LRP1B: variants seen among roughly 807,000 people sequenced by gnomAD.
LRP1B encodes LDL receptor related protein 1B, also known as low-density lipoprotein receptor-related protein 1B.
LRP1B carries 217 observed loss-of-function variants against 556.6 expected under a neutral mutation model. The observed-to-expected ratio is 0.39, with a 90% CI of 0.35 to 0.44. The LOEUF (loss-of-function observed/expected upper bound fraction) is 0.44, where lower values mean the gene tolerates loss of function less well. LRP1B is among the 20% of genes least tolerant of loss of function. The pLI, the probability that LRP1B is intolerant of heterozygous loss-of-function variation, is 1.00. For synonymous variants in LRP1B, 2,047 were observed against 1,865.8 expected (o/e 1.10, Z -2.50); for missense variants, 5,053 against 5,620.8 (o/e 0.90, Z 3.23).
intron 32 of LRP1B, among the ~76,000 whole-genome samples, chr2:140,787,026 A>C (rs1469005854): frequency 6.6e-6 from 1 of 152,208 alleles, no homozygotes; most frequent in East Asian, 1.9e-4. Context: ...TTCATTAGAA[A>C]AAGGAAGAAG....
At chr2:141,152,617 C>T (rs1701951689) in intron 7 of LRP1B, among the ~76,000 whole-genome samples, 1 of 151,784 alleles carries the variant, frequency 6.6e-6, no homozygotes, top group Non-Finnish European at 1.5e-5. Flanking sequence ...AGGGATTTCG[C>T]AGATGAGCCA....
intron 2 of LRP1B, among the ~76,000 whole-genome samples, chr2:141,678,302 C>A (rs933757145): frequency 6.6e-6 from 1 of 151,734 alleles, no homozygotes; most frequent in African/African-American, 2.4e-5. Flanking sequence ...GTAGAAATAC[C>A]AACTAAAGAG....
intron 3 of LRP1B, among the ~76,000 whole-genome samples, chr2:141,417,242 A>C (rs1691140290): frequency 2.0e-5 from 3 of 152,170 alleles, no homozygotes; most frequent in Admixed American, 6.5e-5. Context: ...GGTTAAAAAA[A>C]CTCATGAGAC....
intron 3 of LRP1B, among the ~76,000 whole-genome samples, chr2:141,264,702 G>A (rs909488618): frequency 6.6e-6 from 1 of 152,184 alleles, no homozygotes; most frequent in Non-Finnish European, 1.5e-5. Flanking sequence ...TGATCCACCT[G>A]CCTTGGCCTC....
chr2:140,422,234 G>C (rs1458243460), intron 66 of LRP1B, among the ~76,000 whole-genome samples: 3 of 152,146 alleles, frequency 2.0e-5, no homozygotes, highest in Non-Finnish European at 4.4e-5. Context: ...CATGAAAGCA[G>C]TACATAAATA....
intron 3 of LRP1B, among the ~76,000 whole-genome samples, chr2:141,357,307 G>A (rs1031000696): frequency 3.3e-5 from 5 of 152,000 alleles, no homozygotes; most frequent in Admixed American, 1.3e-4. Context: ...ACCTGCCTCC[G>A]CTTCCAATGT....
intron 1 of LRP1B, among the ~76,000 whole-genome samples, chr2:141,864,995 T>C (rs1384275068): frequency 6.6e-6 from 1 of 152,188 alleles, no homozygotes; most frequent in African/African-American, 2.4e-5. Flanking sequence ...ATTTGCAGTG[T>C]TTATAGGTCA....
intron 2 of LRP1B, among the ~76,000 whole-genome samples, chr2:141,613,529 G>C (rs1372715744): frequency 6.6e-6 from 1 of 152,098 alleles, no homozygotes; most frequent in Non-Finnish European, 1.5e-5. Context: ...CACTCTGGTA[G>C]CTCTACAGTG....
chr2:141,914,017 A>G (rs551750196), intron 1 of LRP1B, among the ~76,000 whole-genome samples: 1 of 152,252 alleles, frequency 6.6e-6, no homozygotes, highest in South Asian at 2.1e-4. Flanking sequence ...AAGTGCTGGG[A>G]TTACAGACGT....
chr2:140,924,528 T>C (rs1397078867), intron 20 of LRP1B, among the ~76,000 whole-genome samples: 1 of 152,038 alleles, frequency 6.6e-6, no homozygotes, highest in Non-Finnish European at 1.5e-5. Flanking sequence ...GCAGTAATGC[T>C]GAACTAATAA....
At chr2:141,101,452 C>T (rs1041146706) in intron 7 of LRP1B, among the ~76,000 whole-genome samples, 7 of 152,162 alleles carry the variant, frequency 4.6e-5, no homozygotes, top group African/African-American at 1.7e-4. Flanking sequence ...AGTTTAATAA[C>T]ATAGGGTAAC....
At chr2:140,721,586 C>T (rs1194430728) in intron 35 of LRP1B, among the ~76,000 whole-genome samples, 2 of 133,610 alleles carry the variant, frequency 1.5e-5, no homozygotes, top group Non-Finnish European at 1.5e-5. Context: ...TTCACTCTGT[C>T]GCCCAGCCTG....
chr2:140,750,674 A>G (rs1449262495), intron 35 of LRP1B, among the ~76,000 whole-genome samples: 2 of 152,198 alleles, frequency 1.3e-5, no homozygotes, highest in Non-Finnish European at 2.9e-5. Context: ...AGGGCATATC[A>G]TTTATCAGTC....
intron 2 of LRP1B, among the ~76,000 whole-genome samples, chr2:141,506,766 C>A (rs996161122): frequency 6.6e-6 from 1 of 151,978 alleles, no homozygotes; most frequent in Non-Finnish European, 1.5e-5. Flanking sequence ...TCAAAATATC[C>A]TTTAAAGTCT....
At chr2:142,011,568 C>A (rs925967867) in intron 1 of LRP1B, among the ~76,000 whole-genome samples, 4 of 152,106 alleles carry the variant, frequency 2.6e-5, no homozygotes, top group Non-Finnish European at 5.9e-5. Context: ...CCTCTTTCCA[C>A]CATAGGAGAC....
chr2:140,285,542 A>G lies in LRP1B; in HGVS notation c.12968-10944T>C, dbSNP rs372291241. The stretch of plus-strand genomic sequence containing the variant: ...CCTGGCAGAATAATATATACAAACT[A>G]GCAAGGATCCCCTGGTTAACTGTGC... On this transcript the variant is annotated intron_variant, in intron 84 of 90. Transcript: ENST00000389484. 2.5e-3 allele frequency among the ~76,000 whole-genome samples: 381 copies of G among 151,742 alleles called. 2 individuals carry two copies. The highest frequency in any genetic ancestry group is 8.7e-3 in the African/African-American group (360 of 41,478).
intron 7 of LRP1B, among the ~76,000 whole-genome samples, chr2:141,100,484 G>A (rs961237451): frequency 6.6e-6 from 1 of 152,140 alleles, no homozygotes; most frequent in Admixed American, 6.5e-5. Flanking sequence ...TTAAGAAGGG[G>A]TCAGTAGAAA....
intron 43 of LRP1B, among the ~76,000 whole-genome samples, chr2:140,597,293 T>C (rs1388711583): frequency 6.6e-6 from 1 of 152,186 alleles, no homozygotes; most frequent in East Asian, 1.9e-4. Context: ...AGTGCTATCT[T>C]ATTACTCGAC....
At chr2:141,921,213 A>G (rs1700176631) in intron 1 of LRP1B, among the ~76,000 whole-genome samples, 1 of 152,014 alleles carries the variant, frequency 6.6e-6, no homozygotes, top group Non-Finnish European at 1.5e-5. Flanking sequence ...CTGCATTTTA[A>G]CGGCATGCTT....
Sources: allele counts gnomAD v4.1 joint callset (sites outside exome capture counted in the v4.1 genomes callset), GRCh38; gene constraint gnomAD v4.1.1; transcripts MANE v1.5; gene names NCBI Gene and HGNC (gene_info 2026-07-23, HGNC 2026-07-21).